Variants in SORBS3 observed in about 807,000 individuals in gnomAD.
SORBS3 encodes the protein vinexin.
SORBS3 carries 69 observed loss-of-function variants against 98.0 expected under a neutral mutation model. The observed-to-expected ratio is 0.70, with a 90% CI of 0.58 to 0.86. The LOEUF is 0.86. Ranked by LOEUF, SORBS3 falls within the 40% of genes least tolerant of loss-of-function variation. SORBS3 has a pLI of 0.00. For missense variants in SORBS3, 954 were observed against 908.5 expected (o/e 1.05, Z -0.64); for synonymous variants, 394 against 355.4 (o/e 1.11, Z -1.22).
rs1251136173 is a variant in SORBS3, at chr8:22,556,797, G to C, written c.303G>C (p.Gln101His). 6.2e-7 allele frequency: 1 copy of C among 1,613,674 alleles called. No homozygotes were observed. Among genetic ancestry groups the C allele is most frequent in the Non-Finnish European group, 8.5e-7 (1 of 1,180,052 alleles). The change falls in exon 4 of 21, where the codon CAG (glutamine) becomes CAC (histidine). Residue 101 changes from glutamine to histidine, a missense_variant. Coordinates refer to ENST00000240123, the MANE Select transcript of SORBS3 (RefSeq NM_005775.5). ...AGATCCCTGCCTCCCAGCACACCCA[G>C]AACTGGTCAGCCACGTGGACCAAGG... is the stretch of plus-strand genomic sequence containing the variant. ...STKIPASQHT[Q>H]NWSATWTKDS...
chr8:22,562,602 G>C (rs972148872), intron 7 of SORBS3, among the ~76,000 whole-genome samples: 1 of 152,184 alleles, frequency 6.6e-6, no homozygotes, highest in African/African-American at 2.4e-5. Context: ...CACCGATAAG[G>C]TTCAGAGGCA....
chr8:22,551,786 C>T, upstream of SORBS3: 13 of 985,242 alleles, frequency 1.3e-5, no homozygotes, highest in Non-Finnish European at 1.6e-5. The surrounding 1 kb of genome is among the most constrained non-coding windows in gnomAD (Gnocchi z 5.8). Context: ...CCAAACTCCG[C>T]CCGCCCCGCC....
chr8:22,565,207 C>T, intron 10 of SORBS3, 61 bp from the exon 11 acceptor site: 1 of 1,490,436 alleles, frequency 6.7e-7, no homozygotes, highest in Non-Finnish European at 9.1e-7. Context: ...CGATCTTTGA[C>T]CGCTGCCTCC....
At chr8:22,553,314 C>T (rs1035283886) in intron 1 of SORBS3, among the ~76,000 whole-genome samples, 1 of 152,196 alleles carries the variant, frequency 6.6e-6, no homozygotes, top group African/African-American at 2.4e-5. Context: ...TGCAGCCCTC[C>T]CTGAGAGCCC....
At chr8:22,571,408 C>T (rs1454289049) in intron 18 of SORBS3, among the ~76,000 whole-genome samples, 187 bp downstream of exon 18, 8 of 152,096 alleles carry the variant, frequency 5.3e-5, no homozygotes, top group East Asian at 1.9e-4. Flanking sequence ...GAGCTCTAGC[C>T]GAGGGAGCTC....
rs1207649849 is a variant in SORBS3, at chr8:22,566,478, A to G, written c.1084A>G (p.Thr362Ala). 3.7e-6 allele frequency: 6 copies of G among 1,613,554 alleles called. No individual in the cohort carries two copies. The East Asian group carries it at 6.7e-5, about 18-fold the overall frequency. The stretch of plus-strand genomic sequence containing the variant: ...GAGGGACTTTGTCTACCCTTCCTCA[A>G]CCCGAGGTAAGGACCCAGCCCTGCT... The part of the protein sequence containing the change: ...GRRDFVYPSS[T>A]RDPSASNGGG... Residue 362 changes from threonine to alanine, a missense_variant, in exon 13 of 21, where the codon ACC becomes GCC. By Grantham distance (58) the Thr-to-Ala change is moderately conservative (BLOSUM62 0). Transcript: ENST00000240123.
intron 6 of SORBS3, 26 bp downstream of exon 6, chr8:22,561,399 T>TG (rs765109466): frequency 5.6e-6 from 9 of 1,612,530 alleles, no homozygotes; most frequent in Non-Finnish European, 7.6e-6. Flanking sequence ...CCCACCTGCC[T>TG]GCCATAGCCC....
At chr8:22,572,311 C>G (rs1348048818) in intron 19 of SORBS3, 29 bp from the exon 20 acceptor site, 1 of 1,591,924 alleles carries the variant, frequency 6.3e-7, no homozygotes, top group Non-Finnish European at 8.6e-7. Context: ...TGGGCCCATT[C>G]TCTGGTTGCC....
chr8:22,568,024 T>G (rs1387668574), intron 16 of SORBS3, among the ~76,000 whole-genome samples: 2 of 151,980 alleles, frequency 1.3e-5, no homozygotes, highest in African/African-American at 4.8e-5. Flanking sequence ...ATTTTTGTAA[T>G]TTTTTAGTAG....
chr8:22,565,838 C>T lies in SORBS3; in HGVS notation c.916C>T (p.Pro306Ser), dbSNP rs1296405122. ...RLPSPKSSPA[P>S]RRAPEQRPPA... ...TTTCCCCGCGCAGAGCTCGCCGGCG[C>T]CCCGACGGGCCCCGGAGCAGCGGCC... is the stretch of plus-strand genomic sequence containing the variant. The change falls in exon 12 of 21, where the codon CCC becomes TCC. Residue 306 changes from proline (P) to serine (S), a missense_variant. Transcript: ENST00000240123. The T allele has an allele frequency of 1.5e-6, 2 of 1,297,316 alleles. No individual in the cohort carries two copies. Among genetic ancestry groups the T allele is most frequent in the Non-Finnish European group, 2.0e-6 (2 of 1,020,594 alleles). The allele number at this position is 1,297,316 out of a possible 1,614,324, so 80.4% of individuals were successfully genotyped here.
chr8:22,559,589 G>C (rs1387690120), intron 5 of SORBS3, among the ~76,000 whole-genome samples: 1 of 152,052 alleles, frequency 6.6e-6, no homozygotes, highest in Non-Finnish European at 1.5e-5. Context: ...TGTAATCCCA[G>C]CTACTCGAGA....
chr8:22,547,568 T>C (rs554199374), upstream of SORBS3, among the ~76,000 whole-genome samples: 1 of 152,330 alleles, frequency 6.6e-6, no homozygotes, highest in African/African-American at 2.4e-5. Flanking sequence ...CATCGCAGTC[T>C]ACCTGAGCTG....
At chr8:22,565,494 T>G in intron 11 of SORBS3, 140 bp downstream of exon 11, 1 of 660,056 alleles carries the variant, frequency 1.5e-6, no homozygotes, top group Non-Finnish European at 2.2e-6. Context: ...CCTCGGGCCC[T>G]CCTGGGCGCT....
intron 4 of SORBS3, among the ~76,000 whole-genome samples, 155 bp downstream of exon 4, chr8:22,557,063 T>G (rs1433387550): frequency 2.6e-5 from 4 of 152,178 alleles, no homozygotes; most frequent in African/African-American, 7.2e-5. Context: ...TCAGCGGCTG[T>G]AAACCTCATA....
chr8:22,570,038 T>C (rs1363874922), intron 17 of SORBS3, among the ~76,000 whole-genome samples: 10 of 152,318 alleles, frequency 6.6e-5, no homozygotes, highest in South Asian at 4.1e-4. Flanking sequence ...TTCTGGGCTG[T>C]TATTAAAACA....
intron 20 of SORBS3, chr8:22,573,317 C>T (rs942943607): frequency 8.8e-6 from 4 of 453,754 alleles, no homozygotes; most frequent in Middle Eastern, 3.2e-4. Flanking sequence ...TTTACAACTA[C>T]TAATAAAGTT....
At position 22,569,278 on chromosome 8, in the gene SORBS3, G is replaced by A. The variant is rs765176733; in HGVS notation, c.1431+5G>A. ...GTGGAGCTGTCCTTCCGCAAGGTGG[G>A]CCAGGCCGGAGACGGAGGGGTGGGT... On this transcript the variant is annotated splice_donor_5th_base_variant and intron_variant, in intron 17 of 20. Transcript: ENST00000240123. 1 of 1,585,856 alleles carries A rather than the reference G, an allele frequency of 6.3e-7. No individual in the cohort carries two copies. The highest frequency in any genetic ancestry group is 8.6e-7 in the Non-Finnish European group (1 of 1,164,700).
Position 22,574,956 on chromosome 8 carries a change from C to T in SORBS3, c.*228C>T. 1 of 679,680 alleles carries T rather than the reference C, an allele frequency of 1.5e-6. No homozygotes were observed. The highest frequency in any genetic ancestry group is 2.7e-6 in the Non-Finnish European group (1 of 370,460). The allele number at this position is 679,680 out of a possible 1,614,324, so 42.1% of individuals were successfully genotyped here. On this transcript the variant is annotated 3_prime_UTR_variant, in exon 21 of 21. Coordinates refer to ENST00000240123, the MANE Select transcript of SORBS3 (RefSeq NM_005775.5). ...CACAGCCCTTTCATTTCCTCCCCAC[C>T]CCACTCCCCAAATACAGAGGTCTGC...
Position 22,554,428 on chromosome 8 carries a change from C to A in SORBS3, c.-55-24C>A. ...GGGCAGCCTAGCCTAGCAGGGCTTT[C>A]CCTTCCTTCCTCCTTCCCCACAGAG... On this transcript the variant is annotated intron_variant, in intron 1 of 20. Transcript: ENST00000240123. The surrounding 1 kb of genome is among the most constrained non-coding windows in gnomAD (Gnocchi z 6.5). The A allele has an allele frequency of 6.4e-7, 1 of 1,554,506 alleles. No homozygotes were observed. The highest frequency in any genetic ancestry group is 8.6e-7 in the Non-Finnish European group (1 of 1,157,634).
Sources: allele counts gnomAD v4.1 joint callset (sites outside exome capture counted in the v4.1 genomes callset), GRCh38; gene constraint gnomAD v4.1.1; non-coding constraint Gnocchi (gnomAD v3.1); transcripts MANE v1.5; gene names NCBI Gene and HGNC (gene_info 2026-07-23, HGNC 2026-07-21).